The following TRAIP variants were observed in gnomAD, a reference collection of about 807,000 sequenced individuals.
TRAIP encodes the protein E3 ubiquitin-protein ligase TRAIP.
A neutral mutation model predicts 65.0 loss-of-function variants in TRAIP; 37 were observed. That is an observed-to-expected ratio of 0.57 (90% CI 0.44 to 0.75). The LOEUF (loss-of-function observed/expected upper bound fraction) is 0.75, where lower values mean the gene tolerates loss of function less well. TRAIP is among the 30% of genes least tolerant of loss of function. The pLI is 0.00. For missense variants in TRAIP, 481 were observed against 579.4 expected (o/e 0.83, Z 1.74); for synonymous variants, 187 against 219.1 (o/e 0.85, Z 1.29).
At chr3:49,839,615 G>T (rs2081819641) in intron 10 of TRAIP, 157 bp downstream of exon 10, 1 of 688,300 alleles carries the variant, frequency 1.5e-6, no homozygotes. Context: ...CTTCAAGGCT[G>T]CTTGCCAGCT....
At chr3:49,853,534 G>A (rs59357103) in intron 1 of TRAIP, among the ~76,000 whole-genome samples, 25,127 of 152,198 alleles carry the variant, frequency 0.17, 2,381 homozygotes, top group Middle Eastern at 0.24. Context: ...ACTAATAGCA[G>A]ATAAAATGGA....
Position 49,856,438 on chromosome 3 carries a change from G to A in TRAIP, c.16C>T (p.Leu6=). ...AAGAAGTCGGAGCAGATAGTGCACA[G>A]AGCACGGATAGGCATGATGGCTGGA... MPIRA[L]CTICSDFFDH... The change falls in exon 1 of 15, where the codon CTG becomes TTG. Residue 6 remains leucine, a synonymous_variant. Transcript: ENST00000331456. 2 of 1,614,062 alleles carry A rather than the reference G, an allele frequency of 1.2e-6. No homozygotes were observed. The highest frequency in any genetic ancestry group is 1.7e-6 in the Non-Finnish European group (2 of 1,179,968).
At chr3:49,847,400 GAAAAGAAAAGAA>G in intron 3 of TRAIP, 113 bp downstream of exon 3, 1 of 705,930 alleles carries the variant, frequency 1.4e-6, no homozygotes, top group Non-Finnish European at 2.3e-6. Flanking sequence ...GAAAAGAAAA[GAAAAGAAAAGAA>G]AAGAGAAAAG....
intron 11 of TRAIP, 133 bp from the exon 12 acceptor site, chr3:49,830,201 C>T (rs1189387653): frequency 1.0e-6 from 1 of 952,514 alleles, no homozygotes; most frequent in African/African-American, 1.6e-5. Context: ...GGGCAAGGCA[C>T]CTCAGTGATC....
chr3:49,842,132 A>C (rs1353989189), intron 6 of TRAIP, among the ~76,000 whole-genome samples, 193 bp from the exon 7 acceptor site: 1 of 152,242 alleles, frequency 6.6e-6, no homozygotes, highest in African/African-American at 2.4e-5. Context: ...CTGCTGAGAA[A>C]GAAGAGGTGC....
Position 49,829,474 on chromosome 3 carries a change from G to C in TRAIP, c.1271C>G (p.Thr424Arg). 2 of 1,614,120 alleles carry C rather than the reference G, an allele frequency of 1.2e-6. No homozygotes were observed. Among genetic ancestry groups the C allele is most frequent in the South Asian group, 2.2e-5 (2 of 91,078 alleles). ...RTGFDGLGGR[T>R]KFIQPTDTVM... ...AAAGGATACAGGCTGGATGAATTTT[G>C]TCCGGCCACCGAGCCCATCGAAGCC... is the stretch of plus-strand genomic sequence containing the variant. Residue 424 changes from threonine (T) to arginine (R), a missense_variant, in exon 14 of 15, where the codon ACA (threonine) becomes AGA (arginine). Physicochemically the swap from Thr to Arg is moderately conservative, Grantham distance 71 (BLOSUM62 -1). Transcript: ENST00000331456.
Position 49,829,733 on chromosome 3 carries a change from C to T in TRAIP, c.1120G>A (p.Ala374Thr), listed in dbSNP as rs2081715823. The T allele has an allele frequency of 6.2e-7, 1 of 1,614,042 alleles. No individual in the cohort carries two copies. The highest frequency in any genetic ancestry group is 1.7e-5 in the Admixed American group (1 of 60,000). Reference sequence around the variant, plus strand: ...ACCAGTTCCTCATCTGGCTCTCCTGCACAGCTCTGGCCACCCAGTGAGAGC... The same window carrying T: ...ACCAGTTCCTCATCTGGCTCTCCTGTACAGCTCTGGCCACCCAGTGAGAGC... The part of the protein sequence containing the change: ...SQLSLGGQSC[A>T]GEPDEELVGA... The change falls in exon 13 of 15, where the codon GCA becomes ACA. Residue 374 changes from alanine to threonine, a missense_variant. Transcript: ENST00000331456.
intron 9 of TRAIP, 37 bp downstream of exon 9, chr3:49,840,247 C>A: frequency 6.3e-7 from 1 of 1,582,754 alleles, no homozygotes. Context: ...GCACACAAAC[C>A]ACCCCTCATT....
intron 1 of TRAIP, among the ~76,000 whole-genome samples, chr3:49,849,531 A>G (rs903315205): frequency 2.1e-4 from 32 of 151,958 alleles, no homozygotes; most frequent in African/African-American, 7.2e-4. Context: ...AGGCTGAGGC[A>G]GGAGAATGGT....
intron 10 of TRAIP, among the ~76,000 whole-genome samples, chr3:49,834,764 G>A (rs1225427762): frequency 1.3e-5 from 2 of 152,290 alleles, no homozygotes; most frequent in Non-Finnish European, 1.5e-5. Context: ...GGACCACCAG[G>A]TATGGGAGGG....
intron 10 of TRAIP, 29 bp from the exon 11 acceptor site, chr3:49,832,097 G>A (rs1417733250): frequency 6.5e-7 from 1 of 1,547,074 alleles, no homozygotes; most frequent in Admixed American, 1.9e-5. Context: ...TGGTTACTTG[G>A]GGCCACAGTG....
rs141502075 is a variant in TRAIP, at chr3:49,835,709, G to A, written c.885-3641C>T. On this transcript the variant is annotated intron_variant, in intron 10 of 14. Transcript: ENST00000331456. ...AATCCCAGCACTTTGGGAGGCCGAG[G>A]TGGGTGGATCACAAGGTCAGGAGAT... is the stretch of plus-strand genomic sequence containing the variant. 2.0e-5 allele frequency among the ~76,000 whole-genome samples: 3 copies of A among 152,196 alleles called. No individual in the cohort carries two copies. In the East Asian group the frequency reaches 5.8e-4, roughly 30 times the overall value.
intron 10 of TRAIP, among the ~76,000 whole-genome samples, chr3:49,833,315 G>A (rs1007476999): frequency 2.6e-5 from 4 of 152,094 alleles, no homozygotes; most frequent in African/African-American, 4.8e-5. Context: ...CCCCTAAGGC[G>A]TTGCCTAGTG....
intron 10 of TRAIP, among the ~76,000 whole-genome samples, chr3:49,838,171 C>T (rs754200045): frequency 2.1e-4 from 32 of 152,178 alleles, no homozygotes; most frequent in Admixed American, 4.6e-4. Context: ...CCCAGCCAAC[C>T]ACTTCAATAT....
At chr3:49,852,761 A>AAAAG (rs145371920) in intron 1 of TRAIP, among the ~76,000 whole-genome samples, 1 of 151,608 alleles carries the variant, frequency 6.6e-6, no homozygotes, top group Non-Finnish European at 1.5e-5. Context: ...TCTCAAAAAA[A>AAAAG]AAAGAAAGAA....
At chr3:49,841,119 G>T in intron 7 of TRAIP, 47 bp from the exon 8 acceptor site, 1 of 1,507,930 alleles carries the variant, frequency 6.6e-7, no homozygotes. Context: ...ACACCTGCAG[G>T]TCAGACTGAG....
chr3:49,854,928 G>A (rs2081959332), intron 1 of TRAIP, among the ~76,000 whole-genome samples: 1 of 151,874 alleles, frequency 6.6e-6, no homozygotes, highest in Non-Finnish European at 1.5e-5. Context: ...GTCAAGCATG[G>A]TGGCAGGCGC....
At chr3:49,829,290 A>G (rs916054434) in intron 14 of TRAIP, 65 bp from the exon 15 acceptor site, 10 of 1,613,608 alleles carry the variant, frequency 6.2e-6, no homozygotes, top group Middle Eastern at 1.6e-4. Context: ...AAAGGACTGC[A>G]ATGCAGGGCA....
intron 10 of TRAIP, among the ~76,000 whole-genome samples, chr3:49,833,137 C>T (rs2081750485): frequency 1.3e-5 from 2 of 152,206 alleles, no homozygotes; most frequent in South Asian, 4.1e-4. Flanking sequence ...GCCAGGACCA[C>T]TCATGCCAAC....
Sources: gnomAD v4.1 joint callset for allele counts (sites outside exome capture counted in the v4.1 genomes callset) on GRCh38, gnomAD v4.1.1 for gene constraint, MANE v1.5 for transcripts, NCBI Gene and HGNC (gene_info 2026-07-23, HGNC 2026-07-21) for gene names.